Variants in HNF4G observed in about 807,000 individuals in gnomAD.
HNF4G encodes the protein hepatocyte nuclear factor 4 gamma.
Under a neutral mutation model 50.9 loss-of-function variants are expected in HNF4G, and 21 were observed. The ratio of observed to expected loss-of-function variants is 0.41; its 90% CI spans 0.29 to 0.59. The LOEUF is 0.59. HNF4G is among the 20% of genes least tolerant of loss of function. The pLI is 0.26. For missense variants in HNF4G, 527 were observed against 559.4 expected (o/e 0.94, Z 0.58); for synonymous variants, 198 against 185.6 (o/e 1.07, Z -0.54).
chr8:75,457,481 C>A (rs927670308), intron 1 of HNF4G, among the ~76,000 whole-genome samples: 2 of 152,108 alleles, frequency 1.3e-5, no homozygotes, highest in Non-Finnish European at 2.9e-5. Flanking sequence ...CTAAACTGAA[C>A]GTGTCCAGGA....
chr8:75,459,856 T>A (rs1811803826), intron 1 of HNF4G, among the ~76,000 whole-genome samples: 1 of 152,116 alleles, frequency 6.6e-6, no homozygotes, highest in South Asian at 2.1e-4. Flanking sequence ...GTTTTTCAAG[T>A]TACATAGTTG....
At chr8:75,455,554 T>A (rs1355889253) in intron 1 of HNF4G, among the ~76,000 whole-genome samples, 1 of 152,184 alleles carries the variant, frequency 6.6e-6, no homozygotes, top group Non-Finnish European at 1.5e-5. Flanking sequence ...ACTATAATTT[T>A]CTGAATAATT....
intron 1 of HNF4G, among the ~76,000 whole-genome samples, chr8:75,418,362 G>A (rs1289927524): frequency 1.3e-5 from 2 of 152,118 alleles, no homozygotes; most frequent in Non-Finnish European, 2.9e-5. Flanking sequence ...ACACAGTTCA[G>A]CCAATAATAA....
chr8:75,465,644 A>G (rs1811951486), intron 1 of HNF4G, among the ~76,000 whole-genome samples: 1 of 152,112 alleles, frequency 6.6e-6, no homozygotes, highest in South Asian at 2.1e-4. Context: ...AAAGACAACA[A>G]AAGTATGAAA....
chr8:75,426,814 C>A (rs1252965695), intron 1 of HNF4G, among the ~76,000 whole-genome samples: 2 of 152,156 alleles, frequency 1.3e-5, no homozygotes, highest in East Asian at 3.9e-4. Context: ...CTCCCTGACA[C>A]TGATCGAATT....
intron 5 of HNF4G, among the ~76,000 whole-genome samples, chr8:75,555,669 C>T (rs1807094955): frequency 6.6e-6 from 1 of 151,276 alleles, no homozygotes; most frequent in Non-Finnish European, 1.5e-5. Context: ...TAGTAAGTGG[C>T]CGTGCTGGGA....
chr8:75,522,125 CA>C (rs1455384347), intron 2 of HNF4G, among the ~76,000 whole-genome samples: 1 of 152,168 alleles, frequency 6.6e-6, no homozygotes, highest in East Asian at 1.9e-4. Flanking sequence ...CAATGAATGA[CA>C]AAAGCTGTAT....
chr8:75,531,703 AATT>A (rs1037934248), intron 2 of HNF4G, among the ~76,000 whole-genome samples: 5 of 152,118 alleles, frequency 3.3e-5, no homozygotes, highest in African/African-American at 1.2e-4. Context: ...ACAAATAAAT[AATT>A]ATGATGACTA....
At chr8:75,470,557 A>G (rs1812090687) in intron 1 of HNF4G, among the ~76,000 whole-genome samples, 1 of 152,138 alleles carries the variant, frequency 6.6e-6, no homozygotes, top group Non-Finnish European at 1.5e-5. Flanking sequence ...GACACATTTA[A>G]TTAACAGTTG....
chr8:75,557,479 G>T (rs1170204078), intron 6 of HNF4G, among the ~76,000 whole-genome samples: 1 of 152,074 alleles, frequency 6.6e-6, no homozygotes, highest in Non-Finnish European at 1.5e-5. Context: ...AAATTAACTG[G>T]GCGTGGTGGC....
intron 2 of HNF4G, among the ~76,000 whole-genome samples, chr8:75,528,609 T>A (rs1184107182): frequency 6.6e-6 from 1 of 152,222 alleles, no homozygotes; most frequent in South Asian, 2.1e-4. Context: ...TGTAACATGT[T>A]ACAATAATTT....
At chr8:75,553,271 T>G (rs1021869275) in intron 5 of HNF4G, 74 bp downstream of exon 5, 5 of 1,244,750 alleles carry the variant, frequency 4.0e-6, no homozygotes, top group Non-Finnish European at 5.7e-6. Context: ...CTTTCCATAT[T>G]ATTTGTAATG....
chr8:75,524,133 T>C (rs984796209), intron 2 of HNF4G, among the ~76,000 whole-genome samples: 1 of 152,056 alleles, frequency 6.6e-6, no homozygotes, highest in Non-Finnish European at 1.5e-5. Flanking sequence ...CACAGAGACA[T>C]GAGGATTTTT....
At chr8:75,532,633 G>A (rs1389099501) in intron 2 of HNF4G, among the ~76,000 whole-genome samples, 2 of 152,062 alleles carry the variant, frequency 1.3e-5, no homozygotes, top group African/African-American at 4.8e-5. Context: ...GGTAACATGA[G>A]GCACATATGC....
rs1325361498 is a variant in HNF4G, at chr8:75,547,663, G to A, written c.364G>A (p.Ala122Thr). Residue 122 changes from alanine (A) to threonine (T), a missense_variant, in exon 3 of 10, where the codon GCG becomes ACG. Coordinates refer to ENST00000396423, the MANE Select transcript of HNF4G (RefSeq NM_004133.5). Reference sequence around the variant, plus strand: ...TTGTCGATTAAGAAAGTGTTTTAGAGCGGGAATGAAAAAAGAAGGTAATAA... The same window carrying A: ...TTGTCGATTAAGAAAGTGTTTTAGAACGGGAATGAAAAAAGAAGGTAATAA... ...RYCRLRKCFR[A>T]GMKKEAVQNE... 2 of 1,599,786 alleles carry A rather than the reference G, an allele frequency of 1.3e-6. No homozygotes were observed. The highest frequency in any genetic ancestry group is 3.3e-5 in the Admixed American group (2 of 59,900).
Position 75,558,515 on chromosome 8 carries a change from T to A in HNF4G, c.734-3T>A, listed in dbSNP as rs368484226. On this transcript the variant is annotated splice_polypyrimidine_tract_variant and splice_region_variant and intron_variant, in intron 6 of 9. Transcript: ENST00000396423. ...TTGTTTTGTTTTGTTTTCTCTCTCA[T>A]AGGAAACAACTATGTTATTCACCGC... 6.2e-7 allele frequency: 1 copy of A among 1,605,704 alleles called. No homozygotes were observed. The highest frequency in any genetic ancestry group is 1.1e-5 in the South Asian group (1 of 89,066).
intron 1 of HNF4G, among the ~76,000 whole-genome samples, chr8:75,451,662 C>T (rs1297794823): frequency 1.3e-5 from 2 of 152,140 alleles, no homozygotes; most frequent in Non-Finnish European, 2.9e-5. Context: ...TAAGTGTATG[C>T]ATTTATTTCT....
chr8:75,464,067 C>T (rs1347889058), intron 1 of HNF4G, among the ~76,000 whole-genome samples: 5 of 152,042 alleles, frequency 3.3e-5, no homozygotes, highest in Admixed American at 6.6e-5. Context: ...AGCCACCGTG[C>T]CCGGACACAT....
intron 1 of HNF4G, among the ~76,000 whole-genome samples, chr8:75,474,605 G>A (rs938193842): frequency 2.0e-5 from 3 of 152,078 alleles, no homozygotes; most frequent in Non-Finnish European, 4.4e-5. Flanking sequence ...TTTCCTTTTG[G>A]TTGGAGTTTG....
Sources: allele counts gnomAD v4.1 joint callset (sites outside exome capture counted in the v4.1 genomes callset), GRCh38; gene constraint gnomAD v4.1.1; transcripts MANE v1.5; gene names NCBI Gene and HGNC (gene_info 2026-07-23, HGNC 2026-07-21).